Variants in IPO11 observed in about 807,000 individuals in gnomAD.
IPO11 encodes importin 11, also known as importin-11.
IPO11 carries 66 observed loss-of-function variants against 143.2 expected under a neutral mutation model. The ratio of observed to expected loss-of-function variants is 0.46; its 90% CI spans 0.38 to 0.57. The LOEUF is 0.57. IPO11 is among the 20% of genes least tolerant of loss of function. IPO11 has a pLI of 0.00. For missense variants in IPO11, 1,026 were observed against 1,141.0 expected (o/e 0.90, Z 1.45); for synonymous variants, 385 against 377.8 (o/e 1.02, Z -0.22).
At chr5:62,566,945 A>G (rs1363648784) in intron 27 of IPO11, among the ~76,000 whole-genome samples, 1 of 152,072 alleles carries the variant, frequency 6.6e-6, no homozygotes, top group Non-Finnish European at 1.5e-5. Flanking sequence ...CTCCCACCTC[A>G]GCCTCCTGAG....
chr5:62,627,315 C>G lies in IPO11; in HGVS notation c.2925C>G (p.Phe975Leu), dbSNP rs1431572033. ...VTQLQEFLQG[F>L] ...AGCTACAGGAGTTTTTGCAAGGATT[C>G]TAAGAGCACATGACATGTGGCTGCC... Residue 975 changes from phenylalanine (F) to leucine (L), a missense_variant, in exon 30 of 30, where the codon TTC becomes TTG. Phe to Leu is a conservative substitution (Grantham distance 22). Around this residue, in one of 5 missense-constraint regions of IPO11, gnomAD observed 351 missense variants for 358.9 expected, o/e 0.98. Transcript: ENST00000325324. 6.2e-7 allele frequency: 1 copy of G among 1,612,292 alleles called. No individual in the cohort carries two copies. Among genetic ancestry groups the G allele is most frequent in the East Asian group, 2.2e-5 (1 of 44,852 alleles).
chr5:62,589,418 G>A (rs547728419), intron 27 of IPO11, among the ~76,000 whole-genome samples: 2 of 152,062 alleles, frequency 1.3e-5, no homozygotes, highest in Non-Finnish European at 1.5e-5. Context: ...GGATTGAGCC[G>A]AAGTCACCAA....
chr5:62,432,223 C>T (rs527419985), intron 1 of IPO11, among the ~76,000 whole-genome samples: 1 of 152,302 alleles, frequency 6.6e-6, no homozygotes, highest in East Asian at 1.9e-4. Context: ...TACCTCTGCT[C>T]TTTGAGCAAG....
chr5:62,446,967 C>CA (rs1464155702), intron 3 of IPO11, among the ~76,000 whole-genome samples: 5,385 of 131,708 alleles, frequency 0.041, 304 homozygotes, highest in African/African-American at 0.14. Context: ...ACTCTGACTG[C>CA]AAAAAAAAAA....
chr5:62,622,117 A>G (rs1416914011), intron 29 of IPO11, among the ~76,000 whole-genome samples: 6 of 152,086 alleles, frequency 3.9e-5, no homozygotes, highest in African/African-American at 1.4e-4. Flanking sequence ...GCATATGGAA[A>G]TACCTGTAGA....
At chr5:62,441,290 C>T (rs247480) in intron 2 of IPO11, among the ~76,000 whole-genome samples, 12,049 of 150,182 alleles carry the variant, frequency 0.08, 525 homozygotes, top group East Asian at 0.14. Context: ...CTCTCCCCTC[C>T]CGGGTTCAAG....
chr5:62,605,601 T>A (rs1284894997), intron 29 of IPO11, among the ~76,000 whole-genome samples: 6 of 144,222 alleles, frequency 4.2e-5, no homozygotes, highest in African/African-American at 1.7e-4. Flanking sequence ...CATCTTTAGT[T>A]TTTTGTAATT....
chr5:62,504,245 G>T (rs1035688542), intron 16 of IPO11, among the ~76,000 whole-genome samples: 3 of 152,114 alleles, frequency 2.0e-5, no homozygotes, highest in Non-Finnish European at 4.4e-5. Context: ...GTGGAAATTT[G>T]CTTGTGTTCT....
intron 26 of IPO11, among the ~76,000 whole-genome samples, chr5:62,558,876 C>G (rs1409114582): frequency 6.6e-6 from 1 of 152,048 alleles, no homozygotes; most frequent in African/African-American, 2.4e-5. Flanking sequence ...GTTTGGTGTT[C>G]CAGACTACCA....
intron 27 of IPO11, among the ~76,000 whole-genome samples, chr5:62,564,189 G>GAAA (rs535825161): frequency 4.6e-4 from 68 of 147,046 alleles, no homozygotes; most frequent in African/African-American, 1.5e-3. Flanking sequence ...GTAACAATCT[G>GAAA]AAAAAAAAAA....
At chr5:62,603,312 G>A (rs1454376374) in intron 29 of IPO11, among the ~76,000 whole-genome samples, 1 of 152,172 alleles carries the variant, frequency 6.6e-6, no homozygotes, top group Non-Finnish European at 1.5e-5. Context: ...GGTCGTGATG[G>A]TGGGTTAAAT....
chr5:62,492,176 A>T (rs985565014), intron 15 of IPO11, among the ~76,000 whole-genome samples: 1 of 152,136 alleles, frequency 6.6e-6, no homozygotes, highest in African/African-American at 2.4e-5. Context: ...TTCTGTTTGG[A>T]TGTGTCTATG....
chr5:62,574,720 G>T (rs573476960), intron 27 of IPO11, among the ~76,000 whole-genome samples: 1 of 152,140 alleles, frequency 6.6e-6, no homozygotes, highest in Non-Finnish European at 1.5e-5. Context: ...AATGAGGATG[G>T]TACCTAAAAT....
chr5:62,474,048 G>A (rs973870905), intron 7 of IPO11, among the ~76,000 whole-genome samples: 4 of 152,134 alleles, frequency 2.6e-5, no homozygotes, highest in South Asian at 2.1e-4. Context: ...TCTAATGGGA[G>A]GAGCCACATA....
At chr5:62,563,062 TG>T (rs1743824539) in intron 27 of IPO11, among the ~76,000 whole-genome samples, 1 of 152,210 alleles carries the variant, frequency 6.6e-6, no homozygotes, top group African/African-American at 2.4e-5. Flanking sequence ...AACCACCAGG[TG>T]ATATTGCTCC....
chr5:62,421,938 G>A (rs543601023), intron 1 of IPO11, among the ~76,000 whole-genome samples: 1 of 152,250 alleles, frequency 6.6e-6, no homozygotes, highest in Non-Finnish European at 1.5e-5. Flanking sequence ...ACTACCAATC[G>A]AAGATGTCTA....
At chr5:62,512,231 A>T (rs1395937880) in intron 19 of IPO11, 1 of 1,309,286 alleles carries the variant, frequency 7.6e-7, no homozygotes, top group Non-Finnish European at 1.1e-6. Context: ...GCTGAAAAGT[A>T]GCTTGCCAGC....
chr5:62,442,863 AAAAACAAAAC>A (rs70981008), intron 2 of IPO11, 110 bp from the exon 3 acceptor site: 45 of 468,130 alleles, frequency 9.6e-5, no homozygotes, highest in East Asian at 1.9e-4. Flanking sequence ...AAACTGTCTC[AAAAACAAAAC>A]AAAACAAAAC....
intron 24 of IPO11, among the ~76,000 whole-genome samples, chr5:62,547,074 G>A (rs1372275818): frequency 1.3e-5 from 2 of 152,088 alleles, no homozygotes; most frequent in African/African-American, 4.8e-5. Context: ...TAACTGTTAC[G>A]ATGTTGGTGG....
Sources: gnomAD v4.1 joint callset for allele counts (sites outside exome capture counted in the v4.1 genomes callset) on GRCh38, gnomAD v4.1.1 for gene constraint, gnomAD v4.1.1 regional missense constraint, MANE v1.5 for transcripts, NCBI Gene and HGNC (gene_info 2026-07-23, HGNC 2026-07-21) for gene names.